FHIP1A: variants seen among roughly 807,000 people sequenced by gnomAD.
The protein encoded by FHIP1A is FHF complex subunit HOOK-interacting protein 1A.
A neutral mutation model predicts 88.6 loss-of-function variants in FHIP1A; 61 were observed. The ratio of observed to expected loss-of-function variants is 0.69; its 90% confidence interval spans 0.56 to 0.85. The LOEUF (loss-of-function observed/expected upper bound fraction) is 0.85, where lower values mean the gene tolerates loss of function less well. Ranked by LOEUF, FHIP1A falls within the 40% of genes least tolerant of loss-of-function variation. The pLI is 0.00. For synonymous variants in FHIP1A, 478 were observed against 496.0 expected (o/e 0.96, Z 0.48); for missense variants, 1,154 against 1,273.5 (o/e 0.91, Z 1.43).
At chr4:151,481,197 A>G (rs1024626417) in intron 2 of FHIP1A, among the ~76,000 whole-genome samples, 11 of 152,034 alleles carry the variant, frequency 7.2e-5, no homozygotes, top group African/African-American at 2.4e-4. Context: ...TTGTGATCAT[A>G]TGTAATTACA....
intron 2 of FHIP1A, among the ~76,000 whole-genome samples, chr4:151,481,404 A>G (rs367814048): frequency 6.6e-6 from 1 of 152,044 alleles, no homozygotes; most frequent in Non-Finnish European, 1.5e-5. Context: ...TTAATGGCCA[A>G]CAGAATTGTG....
chr4:151,498,281 A>G (rs1464246448), intron 3 of FHIP1A, among the ~76,000 whole-genome samples: 1 of 152,240 alleles, frequency 6.6e-6, no homozygotes, highest in Non-Finnish European at 1.5e-5. Flanking sequence ...TGGTACCCGT[A>G]TGAATTCAGG....
chr4:151,528,665 C>G, intron 3 of FHIP1A, among the ~76,000 whole-genome samples: 1 of 152,200 alleles, frequency 6.6e-6, no homozygotes, highest in Non-Finnish European at 1.5e-5. Flanking sequence ...GATGGGGGAG[C>G]AGAGGGAAAC....
rs138219546 is a variant in FHIP1A at position 151,554,312 on chromosome 4, C to G, written c.-122-11826C>G. ...CTCTCCATAGTAAGCTGCTTATTCC[C>G]TGATTCCTGGGACTAGATTTTATTC... On this transcript the variant is annotated intron_variant, in intron 3 of 13. Coordinates refer to ENST00000435205, the MANE Select transcript of FHIP1A (RefSeq NM_001109977.3). Among the ~76,000 whole-genome samples the G allele has an allele frequency of 3.5e-4, 54 of 152,298 alleles. No homozygotes were observed. In the East Asian group the frequency reaches 8.1e-3, roughly 23 times the overall value.
At chr4:151,468,233 C>G (rs1365009407) in intron 2 of FHIP1A, among the ~76,000 whole-genome samples, 1 of 138,882 alleles carries the variant, frequency 7.2e-6, no homozygotes, top group Admixed American at 8.0e-5. Flanking sequence ...TTCAGTGAGC[C>G]GAGATTGCGC....
Position 151,629,921 on chromosome 4 carries a change from A to C in FHIP1A, c.1146+52A>C. ...CTTACAACTCAGAACAGATTTCAGG[A>C]GAGTTTTTTTTTGGGAATGAAATTA... is the stretch of plus-strand genomic sequence containing the variant. On this transcript the variant is annotated intron_variant, in intron 8 of 13. Coordinates refer to ENST00000435205, the MANE Select transcript of FHIP1A (RefSeq NM_001109977.3). The C allele has an allele frequency of 5.7e-6, 8 of 1,409,652 alleles. No individual in the cohort carries two copies. In the South Asian group the frequency reaches 1.1e-4, roughly 19 times the overall value. The allele number at this position is 1,409,652 out of a possible 1,614,324, so 87.3% of individuals were successfully genotyped here. A position where few individuals can be genotyped will look rare whatever the true frequency, so the allele number is the denominator to read the frequency against.
At chr4:151,576,072 A>G (rs1733779277) in intron 4 of FHIP1A, among the ~76,000 whole-genome samples, 1 of 152,218 alleles carries the variant, frequency 6.6e-6, no homozygotes, top group Admixed American at 6.5e-5. Context: ...ATATTATACC[A>G]GAAATTCTAA....
At chr4:151,601,481 G>A (rs1734865360) in intron 7 of FHIP1A, among the ~76,000 whole-genome samples, 1 of 151,736 alleles carries the variant, frequency 6.6e-6, no homozygotes, top group Non-Finnish European at 1.5e-5. Flanking sequence ...AAACACATTA[G>A]TGAATCTACT....
intron 3 of FHIP1A, among the ~76,000 whole-genome samples, chr4:151,565,908 A>G (rs1363041521): frequency 2.0e-5 from 3 of 152,040 alleles, no homozygotes; most frequent in Non-Finnish European, 4.4e-5. Flanking sequence ...AAGAAACCCA[A>G]TAATTGTTTC....
rs546269766 is a variant in FHIP1A at position 151,667,174 on chromosome 4, G to A, written c.*4420G>A. The stretch of plus-strand genomic sequence containing the variant: ...TGCTTTGCAGTGTGAGCTCTTCCTG[G>A]AAACAGCAGTCTCTTGTAGCTGATG... On this transcript the variant is annotated 3_prime_UTR_variant, in exon 14 of 14. Coordinates refer to ENST00000435205, the MANE Select transcript of FHIP1A (RefSeq NM_001109977.3). 47 of 152,338 alleles carry A rather than the reference G, an allele frequency of 3.1e-4. No individual in the cohort carries two copies. Among genetic ancestry groups the A allele is most frequent in the African/African-American group, 1.0e-3 (42 of 41,574 alleles). The allele number at this position is 152,338 out of a possible 1,614,324, so 9.4% of individuals were successfully genotyped here.
chr4:151,598,742 C>G (rs1051410199), intron 7 of FHIP1A, among the ~76,000 whole-genome samples: 4 of 152,130 alleles, frequency 2.6e-5, no homozygotes, highest in African/African-American at 9.7e-5. Context: ...GCATAGTTTT[C>G]TATAGTGTGA....
At chr4:151,547,611 A>C (rs1472219197) in intron 3 of FHIP1A, among the ~76,000 whole-genome samples, 1 of 152,180 alleles carries the variant, frequency 6.6e-6, no homozygotes, top group Non-Finnish European at 1.5e-5. Flanking sequence ...TAGTATTTGC[A>C]GTGAGAAGGA....
intron 3 of FHIP1A, among the ~76,000 whole-genome samples, chr4:151,486,984 A>C (rs539953747): frequency 6.6e-6 from 1 of 152,040 alleles, no homozygotes; most frequent in Non-Finnish European, 1.5e-5. Context: ...AAAAAAAAGA[A>C]AAATATTTTC....
chr4:151,490,412 A>G (rs1730240882), intron 3 of FHIP1A, among the ~76,000 whole-genome samples: 2 of 152,176 alleles, frequency 1.3e-5, no homozygotes, highest in South Asian at 2.1e-4. Flanking sequence ...GGCAATAACA[A>G]TCACTGCAGT....
At chr4:151,553,787 A>G (rs1202784864) in intron 3 of FHIP1A, among the ~76,000 whole-genome samples, 2 of 152,166 alleles carry the variant, frequency 1.3e-5, no homozygotes, top group African/African-American at 4.8e-5. Context: ...TGATAGGTGA[A>G]AATTCCAAGA....
intron 3 of FHIP1A, among the ~76,000 whole-genome samples, chr4:151,549,215 G>A (rs998639882): frequency 6.6e-5 from 10 of 152,134 alleles, no homozygotes; most frequent in Admixed American, 5.9e-4. Context: ...CAGGGGAACA[G>A]ACGTAAACTA....
At chr4:151,643,731 C>T (rs1212830289) in intron 9 of FHIP1A, among the ~76,000 whole-genome samples, 1 of 152,150 alleles carries the variant, frequency 6.6e-6, no homozygotes, top group Non-Finnish European at 1.5e-5. Context: ...ACATAATAAC[C>T]TCTGAGAACC....
At position 151,594,517 on chromosome 4, in the gene FHIP1A, G is replaced by T. The variant is rs368913354; in HGVS notation, c.978+5591G>T. ...GATTTTCTAGTTTATTTGCGTAGAG[G>T]TGTTTATAGTATTCTCTTATTGTAG... On this transcript the variant is annotated intron_variant, in intron 7 of 13. Coordinates refer to ENST00000435205, the MANE Select transcript of FHIP1A (RefSeq NM_001109977.3). Among the ~76,000 whole-genome samples the T allele has an allele frequency of 1.1e-4, 16 of 151,860 alleles. No individual in the cohort carries two copies. The East Asian group carries it at 3.1e-3, about 29-fold the overall frequency.
chr4:151,445,633 A>G (rs558981299), intron 1 of FHIP1A, among the ~76,000 whole-genome samples: 1 of 152,052 alleles, frequency 6.6e-6, no homozygotes, highest in South Asian at 2.1e-4. Context: ...CCCATCACCC[A>G]GGAAATTTTA....
Sources: allele counts gnomAD v4.1 joint callset (sites outside exome capture counted in the v4.1 genomes callset), GRCh38; gene constraint gnomAD v4.1.1; transcripts MANE v1.5; gene names NCBI Gene and HGNC (gene_info 2026-07-23, HGNC 2026-07-21).